ST13: variants seen among roughly 807,000 people sequenced by gnomAD.
ST13 encodes ST13 Hsp70 interacting protein.
A neutral mutation model predicts 56.7 loss-of-function variants in ST13; 23 were observed. That is an observed-to-expected ratio of 0.41 (90% CI 0.29 to 0.57). ST13 has a LOEUF of 0.57. ST13 is among the 20% of genes least tolerant of loss of function. The pLI is 0.36. For synonymous variants in ST13, 132 were observed against 142.4 expected (o/e 0.93, Z 0.52); for missense variants, 369 against 459.9 (o/e 0.80, Z 1.81).
At chr22:40,830,734 G>A in intron 9 of ST13, 106 bp downstream of exon 9, 1 of 661,568 alleles carries the variant, frequency 1.5e-6, no homozygotes, top group Non-Finnish European at 2.6e-6. Flanking sequence ...CTATAGAACT[G>A]TAGCCAGCAT....
intron 1 of ST13, among the ~76,000 whole-genome samples, chr22:40,851,547 C>T (rs563336491): frequency 6.6e-6 from 1 of 152,232 alleles, no homozygotes; most frequent in South Asian, 2.1e-4. Flanking sequence ...ATTAGCGTTA[C>T]ATGCTCCATT....
At chr22:40,849,117 T>C (rs2057847819) in intron 2 of ST13, among the ~76,000 whole-genome samples, 1 of 152,188 alleles carries the variant, frequency 6.6e-6, no homozygotes, top group African/African-American at 2.4e-5. Flanking sequence ...ATTATCAGCC[T>C]ACCTTCATCT....
At chr22:40,837,699 A>G (rs1031349928) in intron 5 of ST13, among the ~76,000 whole-genome samples, 3 of 152,192 alleles carry the variant, frequency 2.0e-5, no homozygotes, top group South Asian at 2.1e-4. Flanking sequence ...TGACACAATC[A>G]CAGCTCACTG....
intron 2 of ST13, among the ~76,000 whole-genome samples, chr22:40,849,883 C>T (rs553552564): frequency 2.0e-4 from 28 of 142,574 alleles, no homozygotes; most frequent in African/African-American, 5.3e-4. Flanking sequence ...ATTTTCTTGT[C>T]GATTTAAGAC....
intron 5 of ST13, among the ~76,000 whole-genome samples, chr22:40,838,834 T>G (rs2057789209): frequency 6.6e-6 from 1 of 151,458 alleles, no homozygotes; most frequent in Non-Finnish European, 1.5e-5. Context: ...GAGCAATGGC[T>G]GGGAACAACT....
At chr22:40,833,715 T>C (rs1375030870) in intron 7 of ST13, among the ~76,000 whole-genome samples, 1 of 150,898 alleles carries the variant, frequency 6.6e-6, no homozygotes, top group Non-Finnish European at 1.5e-5. Flanking sequence ...ATCTCTAATA[T>C]AAAAAATTTG....
chr22:40,831,907 T>C (rs919389667), intron 8 of ST13, among the ~76,000 whole-genome samples: 2 of 152,152 alleles, frequency 1.3e-5, no homozygotes, highest in African/African-American at 4.8e-5. Context: ...GCTGGAGTGC[T>C]GTGGCGTGAT....
At chr22:40,842,066 G>C (rs1243211031) in intron 4 of ST13, among the ~76,000 whole-genome samples, 1 of 152,150 alleles carries the variant, frequency 6.6e-6, no homozygotes, top group African/African-American at 2.4e-5. Flanking sequence ...GTTGAGTAGT[G>C]AGATTAAAAG....
intron 10 of ST13, among the ~76,000 whole-genome samples, chr22:40,829,216 A>G (rs1156318241): frequency 6.6e-6 from 1 of 152,220 alleles, no homozygotes; most frequent in Non-Finnish European, 1.5e-5. Context: ...AGAGAAAGCT[A>G]GTTACCATTA....
At chr22:40,853,133 G>A (rs2057870150) in intron 1 of ST13, among the ~76,000 whole-genome samples, 1 of 152,130 alleles carries the variant, frequency 6.6e-6, no homozygotes, top group African/African-American at 2.4e-5. Flanking sequence ...TACGTGACAT[G>A]GCAACTAAAT....
intron 10 of ST13, among the ~76,000 whole-genome samples, chr22:40,827,992 G>A (rs891383824): frequency 2.0e-5 from 3 of 152,024 alleles, no homozygotes. Flanking sequence ...TAATTCATAC[G>A]AGTTTAGTTT....
intron 8 of ST13, chr22:40,832,183 A>G: frequency 2.1e-6 from 1 of 472,126 alleles, no homozygotes; most frequent in Admixed American, 2.3e-5. Flanking sequence ...AACTTCCACA[A>G]GGTCTTCTTG....
chr22:40,843,882 GC>G (rs1323262204), intron 4 of ST13, among the ~76,000 whole-genome samples: 5 of 125,330 alleles, frequency 4.0e-5, no homozygotes, highest in African/African-American at 1.7e-4. Context: ...TCAGGAAAAT[GC>G]ATTTTTTTTT....
intron 8 of ST13, among the ~76,000 whole-genome samples, chr22:40,831,428 TTAA>T: frequency 6.6e-6 from 1 of 152,338 alleles, no homozygotes; most frequent in African/African-American, 2.4e-5. Context: ...GAAGAAATAT[TTAA>T]TATTATCAAA....
At chr22:40,833,971 C>T (rs1192731713) in intron 7 of ST13, among the ~76,000 whole-genome samples, 1 of 152,092 alleles carries the variant, frequency 6.6e-6, no homozygotes, top group Non-Finnish European at 1.5e-5. Flanking sequence ...CTGTATATTT[C>T]AAGTGGGATA....
chr22:40,849,035 T>C (rs1786127146), intron 2 of ST13, among the ~76,000 whole-genome samples: 1 of 152,236 alleles, frequency 6.6e-6, no homozygotes, highest in African/African-American at 2.4e-5. Context: ...GGATAGTCTC[T>C]CTATATATGA....
chr22:40,840,506 G>A, intron 5 of ST13, 120 bp downstream of exon 5: 1 of 791,564 alleles, frequency 1.3e-6, no homozygotes, highest in South Asian at 1.7e-5. Context: ...CTGGATAATA[G>A]GACACTATCT....
chr22:40,856,093 G>T (rs1251665846), intron 1 of ST13, among the ~76,000 whole-genome samples: 1 of 152,028 alleles, frequency 6.6e-6, no homozygotes, highest in South Asian at 2.1e-4. Context: ...ACACAAGACT[G>T]AAAGAAAAAC....
intron 4 of ST13, among the ~76,000 whole-genome samples, chr22:40,842,638 A>G (rs948032652): frequency 2.6e-5 from 4 of 151,314 alleles, no homozygotes; most frequent in Admixed American, 6.6e-5. Context: ...AGTAAACAAG[A>G]AGGAGGCAAT....
Sources: gnomAD v4.1 joint callset for allele counts (sites outside exome capture counted in the v4.1 genomes callset) on GRCh38, gnomAD v4.1.1 for gene constraint, MANE v1.5 for transcripts, NCBI Gene and HGNC (gene_info 2026-07-23, HGNC 2026-07-21) for gene names.